Variants in RAD51B observed in about 807,000 individuals in gnomAD.
RAD51B encodes RAD51 paralog B, also known as DNA repair protein RAD51 homolog 2.
In RAD51B, 38 loss-of-function variants were observed where a neutral mutation model predicts 42.2. The observed-to-expected ratio is 0.90, with a 90% confidence interval of 0.70 to 1.18. The LOEUF (loss-of-function observed/expected upper bound fraction) is 1.18, where lower values mean the gene tolerates loss of function less well. Ranked by LOEUF, RAD51B falls within the 50% of genes most tolerant of loss-of-function variation. RAD51B has a pLI of 0.00. For missense variants in RAD51B, 373 were observed against 400.7 expected (o/e 0.93, Z 0.59); for synonymous variants, 154 against 145.2 (o/e 1.06, Z -0.43).
chr14:68,428,736 T>A (rs1594822701), intron 9 of RAD51B, among the ~76,000 whole-genome samples: 3 of 34,474 alleles, frequency 8.7e-5, no homozygotes, highest in East Asian at 0.013. Flanking sequence ...TATATATATA[T>A]ATATATATAT....
chr14:67,985,050 A>G (rs1475943882), intron 7 of RAD51B, among the ~76,000 whole-genome samples: 4 of 152,232 alleles, frequency 2.6e-5, no homozygotes, highest in Non-Finnish European at 4.4e-5. Flanking sequence ...GGATTGGACT[A>G]GATAATTTCC....
intron 8 of RAD51B, among the ~76,000 whole-genome samples, chr14:68,357,205 A>G (rs2082928047): frequency 6.6e-6 from 1 of 152,184 alleles, no homozygotes; most frequent in Non-Finnish European, 1.5e-5. Context: ...TGTTCATAGC[A>G]TCCTCACCAG....
intron 7 of RAD51B, among the ~76,000 whole-genome samples, chr14:68,109,938 G>T (rs2077434956): frequency 6.6e-6 from 1 of 151,958 alleles, no homozygotes; most frequent in African/African-American, 2.4e-5. Context: ...GGAATATAGT[G>T]TAAACTTTGG....
chr14:67,936,439 A>G (rs961197749), intron 7 of RAD51B, among the ~76,000 whole-genome samples: 14 of 152,128 alleles, frequency 9.2e-5, no homozygotes, highest in African/African-American at 2.9e-4. Flanking sequence ...ATTCCTTTTC[A>G]TTGCCAAATA....
intron 7 of RAD51B, among the ~76,000 whole-genome samples, chr14:68,047,044 C>T (rs2076313168): frequency 6.6e-6 from 1 of 151,018 alleles, no homozygotes; most frequent in Non-Finnish European, 1.5e-5. Context: ...CTGCTGGAGA[C>T]TTTTACTATA....
At chr14:68,670,045 C>T (rs966173640) in intron 11 of RAD51B, among the ~76,000 whole-genome samples, 2 of 152,202 alleles carry the variant, frequency 1.3e-5, no homozygotes, top group African/African-American at 2.4e-5. Context: ...AGGAGCCAAG[C>T]GCCCAGAATG....
Position 67,835,235 on chromosome 14 carries a change from A to G in RAD51B, c.315+39A>G, listed in dbSNP as rs372256617. Reference sequence around the variant, plus strand: ...TTTTCGTACCTTCTTCCATTGACCTATAACCTTCAGAGCTAGGGAAAAAGT... The same window carrying G: ...TTTTCGTACCTTCTTCCATTGACCTGTAACCTTCAGAGCTAGGGAAAAAGT... On this transcript the variant is annotated intron_variant, in intron 4 of 10. Transcript: ENST00000471583. 92 of 1,403,262 alleles carry G rather than the reference A, an allele frequency of 6.6e-5. No homozygotes were observed. In the African/African-American group the frequency reaches 9.0e-4, roughly 14 times the overall value. 86.9% of individuals were successfully genotyped at this position (1,403,262 alleles called of 1,614,324 possible). A position where few individuals can be genotyped will look rare whatever the true frequency, so the allele number is the denominator to read the frequency against.
In RAD51B at chr14:68,120,212, G is replaced by T. The variant is rs531891966; in HGVS notation, c.757-171672G>T. Among the ~76,000 whole-genome samples the T allele has an allele frequency of 3.5e-3, 525 of 151,938 alleles. 5 individuals carry two copies. The highest frequency in any genetic ancestry group is 0.012 in the African/African-American group (497 of 41,424). On this transcript the variant is annotated intron_variant, in intron 7 of 10. Coordinates refer to ENST00000471583, the MANE Select transcript of RAD51B (RefSeq NM_133510.4). The stretch of plus-strand genomic sequence containing the variant: ...TTGTTTGAGTTCATTGTAGATTCTG[G>T]ATATTAGCCCTTTGTCAGATGAGTA...
chr14:67,864,940 T>TTGTGATG, intron 4 of RAD51B, 63 bp from the exon 5 acceptor site: 1 of 1,401,302 alleles, frequency 7.1e-7, no homozygotes, highest in Non-Finnish European at 9.3e-7. Context: ...TTTGACTGGC[T>TTGTGATG]TGTGATGTTT....
chr14:68,308,417 C>A (rs1328132692), intron 8 of RAD51B, among the ~76,000 whole-genome samples: 1 of 152,096 alleles, frequency 6.6e-6, no homozygotes, highest in Non-Finnish European at 1.5e-5. Flanking sequence ...CTCTTAACAA[C>A]CTCTGCAATC....
chr14:68,578,911 G>A (rs745822278), intron 10 of RAD51B, among the ~76,000 whole-genome samples: 8 of 152,178 alleles, frequency 5.3e-5, no homozygotes, highest in Non-Finnish European at 8.8e-5. Flanking sequence ...TGGGTCATAG[G>A]CTTGCTTTCC....
intron 10 of RAD51B, among the ~76,000 whole-genome samples, chr14:68,589,935 G>A (rs1022820658): frequency 3.3e-5 from 5 of 152,110 alleles, no homozygotes; most frequent in East Asian, 3.9e-4. Flanking sequence ...ATTCACACAC[G>A]AACACACACA....
chr14:68,609,933 C>T (rs1005709342), intron 10 of RAD51B, among the ~76,000 whole-genome samples: 3 of 152,118 alleles, frequency 2.0e-5, no homozygotes, highest in Admixed American at 6.5e-5. Context: ...TCTCCATCCC[C>T]GTGCTTTTTA....
intron 7 of RAD51B, among the ~76,000 whole-genome samples, chr14:68,129,790 A>G (rs73286292): frequency 0.12 from 17,681 of 152,128 alleles, 3,162 homozygotes; most frequent in African/African-American, 0.38. Flanking sequence ...TTAAAGTACC[A>G]ATTCCTAGGC....
At chr14:67,893,506 ACAC>A (rs749382284) in intron 7 of RAD51B, among the ~76,000 whole-genome samples, 1,435 of 62,820 alleles carry the variant, frequency 0.023, 42 homozygotes, top group Admixed American at 0.073. Context: ...ACACACACAC[ACAC>A]AAAAAAAAAC....
chr14:67,922,509 T>G (rs1170122727), intron 7 of RAD51B, among the ~76,000 whole-genome samples: 1 of 152,078 alleles, frequency 6.6e-6, no homozygotes, highest in Non-Finnish European at 1.5e-5. Flanking sequence ...AATTATACCT[T>G]TCTTTTTGTT....
chr14:67,857,248 A>G (rs1191292461), intron 4 of RAD51B, among the ~76,000 whole-genome samples: 1 of 152,244 alleles, frequency 6.6e-6, no homozygotes, highest in African/African-American at 2.4e-5. Context: ...ATTTGTGAGC[A>G]GGATCTGAGA....
At chr14:67,917,385 G>A (rs1195300738) in intron 7 of RAD51B, among the ~76,000 whole-genome samples, 1 of 152,166 alleles carries the variant, frequency 6.6e-6, no homozygotes, top group Non-Finnish European at 1.5e-5. Context: ...AAAAGCAAGA[G>A]CAAGAGAGAG....
At chr14:67,924,294 A>C (rs2044428982) in intron 7 of RAD51B, among the ~76,000 whole-genome samples, 1 of 152,124 alleles carries the variant, frequency 6.6e-6, no homozygotes, top group African/African-American at 2.4e-5. Flanking sequence ...TGGTCATGAA[A>C]ACTTTGCTTA....
Sources: gnomAD v4.1 joint callset for allele counts (sites outside exome capture counted in the v4.1 genomes callset) on GRCh38, gnomAD v4.1.1 for gene constraint, MANE v1.5 for transcripts, NCBI Gene and HGNC (gene_info 2026-07-23, HGNC 2026-07-21) for gene names.